Variants in PPM1D observed in about 807,000 individuals in gnomAD.
PPM1D encodes protein phosphatase 1D.
A neutral mutation model predicts 58.3 loss-of-function variants in PPM1D; 52 were observed. That is an observed-to-expected ratio of 0.89 (90% CI 0.71 to 1.12). The LOEUF (loss-of-function observed/expected upper bound fraction) is 1.12. Among genes scored for constraint, PPM1D ranks in the 50% most tolerant of loss-of-function variants. PPM1D has a pLI of 0.00. For synonymous variants in PPM1D, 278 were observed against 285.1 expected (o/e 0.98, Z 0.25); for missense variants, 564 against 777.2 (o/e 0.73, Z 3.26).
intron 1 of PPM1D, among the ~76,000 whole-genome samples, chr17:60,601,774 GTTTT>G (rs1162237722): frequency 6.6e-6 from 1 of 152,128 alleles, no homozygotes; most frequent in Non-Finnish European, 1.5e-5. Flanking sequence ...TTTCATCTAA[GTTTT>G]TTTAAATGTT....
At chr17:60,637,073 A>G (rs541610025) in intron 3 of PPM1D, among the ~76,000 whole-genome samples, 14 of 151,376 alleles carry the variant, frequency 9.2e-5, no homozygotes, top group African/African-American at 2.7e-4. Context: ...GGTTCAAGCA[A>G]TTCTGCTGCC....
chr17:60,658,867 C>T (rs182726363), intron 5 of PPM1D, among the ~76,000 whole-genome samples: 13 of 151,816 alleles, frequency 8.6e-5, no homozygotes, highest in Admixed American at 2.0e-4. Flanking sequence ...GAGGCAGAGG[C>T]GGGAATCGCT....
intron 1 of PPM1D, among the ~76,000 whole-genome samples, chr17:60,617,465 C>G (rs957486642): frequency 6.6e-6 from 1 of 151,184 alleles, no homozygotes. Flanking sequence ...TTGCCTGAGC[C>G]CAGGAGGTCA....
At chr17:60,621,563 ATTTTT>A (rs775950363) in intron 1 of PPM1D, among the ~76,000 whole-genome samples, 2 of 96,128 alleles carry the variant, frequency 2.1e-5, no homozygotes, top group Non-Finnish European at 2.2e-5. Context: ...TATTTTTTGT[ATTTTT>A]TTTTTTTTTT....
At chr17:60,609,002 C>T (rs189928158) in intron 1 of PPM1D, among the ~76,000 whole-genome samples, 1 of 152,028 alleles carries the variant, frequency 6.6e-6, no homozygotes, top group Non-Finnish European at 1.5e-5. Context: ...CCTCCTCGGC[C>T]TCCCAAAGTG....
chr17:60,600,918 C>G (rs1332812369), intron 1 of PPM1D, 32 bp downstream of exon 1: 11 of 1,612,194 alleles, frequency 6.8e-6, no homozygotes, highest in Non-Finnish European at 9.3e-6. Flanking sequence ...GCGCCCGCCC[C>G]TTTTTCAGGC....
intron 3 of PPM1D, among the ~76,000 whole-genome samples, chr17:60,641,070 G>C (rs969669420): frequency 1.3e-5 from 2 of 152,068 alleles, no homozygotes; most frequent in Non-Finnish European, 2.9e-5. Context: ...ACATTTGAGT[G>C]CATGTGTCTT....
intron 3 of PPM1D, among the ~76,000 whole-genome samples, chr17:60,644,137 C>T (rs1051603473): frequency 6.6e-6 from 1 of 151,852 alleles, no homozygotes; most frequent in Non-Finnish European, 1.5e-5. Context: ...CCTCGGCCTC[C>T]CAAAGTGCTG....
intron 3 of PPM1D, among the ~76,000 whole-genome samples, chr17:60,643,883 C>CTTT (rs71148308): frequency 0.02 from 1,985 of 97,640 alleles, 103 homozygotes; most frequent in South Asian, 0.04. Flanking sequence ...CTTTTCTTTT[C>CTTT]TTTTTTTTTT....
intron 2 of PPM1D, among the ~76,000 whole-genome samples, chr17:60,626,988 A>G (rs1251154035): frequency 1.3e-5 from 2 of 151,954 alleles, no homozygotes; most frequent in Non-Finnish European, 2.9e-5. Flanking sequence ...TTTTTTTCCC[A>G]CATTAATGTG....
chr17:60,600,253 A>G lies in PPM1D; in HGVS notation c.-162A>G, dbSNP rs2030170530. On this transcript the variant is annotated 5_prime_UTR_variant, in exon 1 of 6. Transcript: ENST00000305921. Reference sequence around the variant, plus strand: ...CGGCGCTCCGGCCCAGCTCTCGCGGACAAGTCCAGACATCGCGCGCCCCCC... The same window carrying G: ...CGGCGCTCCGGCCCAGCTCTCGCGGGCAAGTCCAGACATCGCGCGCCCCCC... 4.4e-6 allele frequency: 6 copies of G among 1,351,600 alleles called. No homozygotes were observed. Among genetic ancestry groups the G allele is most frequent in the East Asian group, 2.6e-5 (1 of 37,814 alleles). The allele number at this position is 1,351,600 out of a possible 1,614,324, so 83.7% of individuals were successfully genotyped here. A position where few individuals can be genotyped will look rare whatever the true frequency, so the allele number is the denominator to read the frequency against.
chr17:60,639,162 CTGGAGTGCAT>C (rs2031085272), intron 3 of PPM1D, among the ~76,000 whole-genome samples: 1 of 152,030 alleles, frequency 6.6e-6, no homozygotes, highest in Non-Finnish European at 1.5e-5. Context: ...GTCATCCAGG[CTGGAGTGCAT>C]TGGCACAATC....
At position 60,656,631 on chromosome 17, in the gene PPM1D, T is replaced by G. The variant is rs1194647586; in HGVS notation, c.1050T>G (p.Leu350=). The change falls in exon 5 of 6, where the codon CTT becomes CTG. Residue 350 remains leucine, a synonymous_variant. Transcript: ENST00000305921. ...ATGGACAATCTTGTGCCAAAATGCT[T>G]GTGAATCGAGCATTGGGCCGCTGGA... ...GEHGQSCAKM[L]VNRALGRWRQ... is the part of the protein sequence containing the mutation. The G allele has an allele frequency of 3.1e-6, 5 of 1,614,078 alleles. No homozygotes were observed. In the Admixed American group the frequency reaches 8.3e-5, roughly 27 times the overall value.
intron 1 of PPM1D, among the ~76,000 whole-genome samples, chr17:60,605,110 G>T (rs1041467683): frequency 4.6e-5 from 7 of 152,134 alleles, no homozygotes; most frequent in African/African-American, 7.2e-5. Context: ...TCCTGGCCAG[G>T]AATATTCTTA....
intron 4 of PPM1D, among the ~76,000 whole-genome samples, chr17:60,651,054 ACT>A (rs1212481606): frequency 2.0e-5 from 3 of 152,134 alleles, no homozygotes; most frequent in African/African-American, 7.2e-5. Flanking sequence ...ACTTAGAGAG[ACT>A]CTGTGGTTTA....
rs2031613098 is a variant in PPM1D at position 60,666,144 on chromosome 17, G to A, written c.*2592G>A. 6.6e-6 allele frequency: 1 copy of A among 151,944 alleles called. No homozygotes were observed. The highest frequency in any genetic ancestry group is 6.6e-5 in the Admixed American group (1 of 15,250). 9.4% of individuals were successfully genotyped at this position (151,944 alleles called of 1,614,324 possible). On this transcript the variant is annotated 3_prime_UTR_variant, in exon 6 of 6. Transcript: ENST00000305921. ...AGCGTGTATAACATTGTTTTAGTAG[G>A]GTGTGCAATAGTTATGTTTTGGTAA...
intron 4 of PPM1D, among the ~76,000 whole-genome samples, chr17:60,652,240 G>A (rs1371333265): frequency 6.6e-6 from 1 of 151,902 alleles, no homozygotes; most frequent in African/African-American, 2.4e-5. Context: ...GTGAGATCAT[G>A]TCTTTCTGTG....
At chr17:60,657,395 T>C (rs183306539) in intron 5 of PPM1D, among the ~76,000 whole-genome samples, 30 of 152,338 alleles carry the variant, frequency 2.0e-4, no homozygotes, top group African/African-American at 6.3e-4. Context: ...TATCATACTT[T>C]TTTGATTTAC....
At chr17:60,612,937 G>A (rs985000562) in intron 1 of PPM1D, among the ~76,000 whole-genome samples, 1 of 152,170 alleles carries the variant, frequency 6.6e-6, no homozygotes, top group Non-Finnish European at 1.5e-5. Context: ...GTTATTCTTT[G>A]AAGGATGCGA....
Sources: gnomAD v4.1 joint callset for allele counts (sites outside exome capture counted in the v4.1 genomes callset) on GRCh38, gnomAD v4.1.1 for gene constraint, MANE v1.5 for transcripts, NCBI Gene and HGNC (gene_info 2026-07-23, HGNC 2026-07-21) for gene names.